The following TNFRSF1B variants were observed in gnomAD, a reference collection of about 807,000 sequenced individuals.
TNFRSF1B encodes TNF receptor superfamily member 1B, also known as tumor necrosis factor receptor superfamily member 1B.
Under a neutral mutation model 44.6 loss-of-function variants are expected in TNFRSF1B, and 19 were observed. The ratio of observed to expected loss-of-function variants is 0.43; its 90% CI spans 0.30 to 0.62. The LOEUF is 0.62. Among genes scored for constraint, TNFRSF1B ranks in the 20% least tolerant of loss-of-function variants. TNFRSF1B has a pLI of 0.16. For missense variants in TNFRSF1B, 541 were observed against 619.9 expected (o/e 0.87, Z 1.35); for synonymous variants, 252 against 261.1 (o/e 0.97, Z 0.34).
At chr1:12,184,902 G>A (rs1442249469) in intron 1 of TNFRSF1B, among the ~76,000 whole-genome samples, 1 of 152,194 alleles carries the variant, frequency 6.6e-6, no homozygotes, top group Non-Finnish European at 1.5e-5. Flanking sequence ...TGTGCGGGGT[G>A]GGGGGCTGCC....
At chr1:12,192,803 C>T in intron 5 of TNFRSF1B, 60 bp from the exon 6 acceptor site, 1 of 1,451,180 alleles carries the variant, frequency 6.9e-7, no homozygotes, top group Non-Finnish European at 9.4e-7. Context: ...GTGAATGAGC[C>T]CAGCCACCCC....
rs530746461 is a variant in TNFRSF1B at position 12,205,770 on chromosome 1, T to C, written c.1106-970T>C. On this transcript the variant is annotated intron_variant, in intron 9 of 9. Transcript: ENST00000376259. Reference sequence around the variant, plus strand: ...CCGAGTAGCTGGGATTATAGGCACCTGCCACCATACCCGGCTAATTTTTTT... The same window carrying C: ...CCGAGTAGCTGGGATTATAGGCACCCGCCACCATACCCGGCTAATTTTTTT... Among the ~76,000 whole-genome samples, 31 of 152,060 alleles carry C rather than the reference T, an allele frequency of 2.0e-4. No homozygotes were observed. In the South Asian group the frequency reaches 6.4e-3, roughly 32 times the overall value.
chr1:12,196,223 C>T (rs1214147708), intron 8 of TNFRSF1B, among the ~76,000 whole-genome samples: 3 of 152,140 alleles, frequency 2.0e-5, no homozygotes, highest in Non-Finnish European at 4.4e-5. Context: ...GTCGCTTGAA[C>T]CCGGGCAGTG....
intron 1 of TNFRSF1B, among the ~76,000 whole-genome samples, chr1:12,173,853 C>T (rs567507840): frequency 6.6e-6 from 1 of 152,310 alleles, no homozygotes; most frequent in Non-Finnish European, 1.5e-5. Context: ...TCTTTTTCCA[C>T]TGTGGCGTGT....
At position 12,191,797 on chromosome 1, in the gene TNFRSF1B, A is replaced by G. The variant is rs747520649; in HGVS notation, c.331A>G (p.Thr111Ala). 23 of 1,613,386 alleles carry G rather than the reference A, an allele frequency of 1.4e-5. No individual in the cohort carries two copies. The highest frequency in any genetic ancestry group is 2.2e-5 in the East Asian group (1 of 44,886). The change falls in exon 4 of 10, where the codon ACT becomes GCT. Residue 111 changes from threonine (T) to alanine (A), a missense_variant. Coordinates refer to ENST00000376259, the MANE Select transcript of TNFRSF1B (RefSeq NM_001066.3). ...AGACCAGGTGGAAACTCAAGCCTGC[A>G]CTCGGGAACAGAACCGCATCTGCAC... is the stretch of plus-strand genomic sequence containing the variant. ...SSDQVETQAC[T>A]REQNRICTCR...
chr1:12,184,114 C>A (rs776420867), intron 1 of TNFRSF1B, among the ~76,000 whole-genome samples: 1 of 152,198 alleles, frequency 6.6e-6, no homozygotes. Context: ...CTCCCCAATC[C>A]AAGGCACAGG....
chr1:12,204,972 C>T (rs988889357), intron 9 of TNFRSF1B, among the ~76,000 whole-genome samples: 9 of 151,432 alleles, frequency 5.9e-5, no homozygotes, highest in African/African-American at 1.5e-4. Flanking sequence ...CCCAGGAGTT[C>T]GAGACTAGCC....
At chr1:12,185,861 G>C (rs1332072973) in intron 1 of TNFRSF1B, among the ~76,000 whole-genome samples, 1 of 152,190 alleles carries the variant, frequency 6.6e-6, no homozygotes, top group East Asian at 1.9e-4. Context: ...GCAGCCTCAG[G>C]GGGGCTTCCC....
chr1:12,201,836 G>C, intron 8 of TNFRSF1B, 131 bp from the exon 9 acceptor site: 1 of 1,291,206 alleles, frequency 7.7e-7, no homozygotes, highest in Non-Finnish European at 1.0e-6. Flanking sequence ...ACGTGCAAGG[G>C]TGGGCAGAAA....
chr1:12,192,516 C>T lies in TNFRSF1B; in HGVS notation c.543C>T (p.Pro181=), dbSNP rs2275415. ...NTTSSTDICR[P]HQICNVVAIP... Reference sequence around the variant, plus strand: ...CTTCATCCACGGATATTTGCAGGCCCCACCAGATGTGAGTAGCTGAGTCCT... The same window carrying T: ...CTTCATCCACGGATATTTGCAGGCCTCACCAGATGTGAGTAGCTGAGTCCT... Residue 181 remains proline (P), a synonymous_variant, in exon 5 of 10, where the codon CCC becomes CCT. Coordinates refer to ENST00000376259, the MANE Select transcript of TNFRSF1B (RefSeq NM_001066.3). The T allele has an allele frequency of 1.0e-3, 1,643 of 1,614,050 alleles. 15 individuals are homozygous for T. In the East Asian group the frequency reaches 0.025, roughly 24 times the overall value.
chr1:12,181,123 A>T (rs1219844635), intron 1 of TNFRSF1B, among the ~76,000 whole-genome samples: 1 of 152,138 alleles, frequency 6.6e-6, no homozygotes, highest in Non-Finnish European at 1.5e-5. Flanking sequence ...TGCCAGCCCC[A>T]GGAGTCACAG....
chr1:12,183,656 T>TTATCTATCTATCTATCTATCTATTC (rs1638866050), intron 1 of TNFRSF1B, among the ~76,000 whole-genome samples: 75 of 125,332 alleles, frequency 6.0e-4, no homozygotes, highest in East Asian at 2.4e-3. Context: ...TTTATCTATT[T>TTATCTATCTATCTATCTATCTATTC]TATCTATCTA....
intron 9 of TNFRSF1B, among the ~76,000 whole-genome samples, chr1:12,203,374 C>T (rs1027735418): frequency 2.0e-5 from 3 of 152,166 alleles, no homozygotes; most frequent in Non-Finnish European, 4.4e-5. Flanking sequence ...GCTGCAGCCC[C>T]CACCACGCAG....
rs577274514 is a variant in TNFRSF1B, at chr1:12,183,330, G to C, written c.79-5466G>C. Among the ~76,000 whole-genome samples, 10 of 152,292 alleles carry C rather than the reference G, an allele frequency of 6.6e-5. No homozygotes were observed. In the South Asian group the frequency reaches 1.9e-3, roughly 28 times the overall value. ...AAGTCTCTGGGAGACGAGGGGAGGT[G>C]GCTTTGCCTTTTTCCATCTCTGTTA... On this transcript the variant is annotated intron_variant, in intron 1 of 9. Coordinates refer to ENST00000376259, the MANE Select transcript of TNFRSF1B (RefSeq NM_001066.3).
At position 12,206,942 on chromosome 1, in the gene TNFRSF1B, G is replaced by A. The variant is rs368698604; in HGVS notation, c.1308G>A (p.Thr436=). ...EECAFRSQLE[T]PETLLGSTEE... ...GTGCCTTTCGGTCACAGCTGGAGAC[G>A]CCAGAGACCCTGCTGGGGAGCACCG... The change falls in exon 10 of 10, where the codon ACG becomes ACA. Residue 436 remains threonine (T), a synonymous_variant. Transcript: ENST00000376259. The A allele has an allele frequency of 1.9e-4, 299 of 1,613,830 alleles. No homozygotes were observed. The highest frequency in any genetic ancestry group is 2.2e-4 in the Non-Finnish European group (265 of 1,179,834).
At chr1:12,167,692 C>T (rs964169448) in intron 1 of TNFRSF1B, among the ~76,000 whole-genome samples, 1 of 152,236 alleles carries the variant, frequency 6.6e-6, no homozygotes, top group African/African-American at 2.4e-5. Context: ...GTCTGAAGAG[C>T]AGGACCAGGT....
intron 1 of TNFRSF1B, among the ~76,000 whole-genome samples, chr1:12,181,290 G>A (rs1638798525): frequency 6.6e-6 from 1 of 152,200 alleles, no homozygotes. Context: ...GGCAGGAAGA[G>A]CCCAGTTCCC....
chr1:12,183,748 T>TCTATCTAGCTAGCTAG (rs1279334157), intron 1 of TNFRSF1B, among the ~76,000 whole-genome samples: 7 of 116,984 alleles, frequency 6.0e-5, no homozygotes, highest in South Asian at 3.0e-4. Context: ...TATCTATCTA[T>TCTATCTAGCTAGCTAG]CTAGCTAGCT....
chr1:12,184,072 C>A (rs992622325), intron 1 of TNFRSF1B, among the ~76,000 whole-genome samples: 2 of 152,188 alleles, frequency 1.3e-5, no homozygotes, highest in Admixed American at 1.3e-4. Context: ...GTCAAAGATC[C>A]CCTGTGGGGT....
Sources: allele counts gnomAD v4.1 joint callset (sites outside exome capture counted in the v4.1 genomes callset), GRCh38; gene constraint gnomAD v4.1.1; transcripts MANE v1.5; gene names NCBI Gene and HGNC (gene_info 2026-07-23, HGNC 2026-07-21).